Variants in NMT1 observed in about 807,000 individuals in gnomAD.
NMT1 encodes the protein glycylpeptide N-tetradecanoyltransferase 1.
In NMT1, 12 loss-of-function variants were observed where a neutral mutation model predicts 63.4. The ratio of observed to expected loss-of-function variants is 0.19; its 90% confidence interval spans 0.12 to 0.31. NMT1 has a LOEUF of 0.31. Ranked by LOEUF, NMT1 falls within the 10% of genes least tolerant of loss-of-function variation. The pLI, the probability that NMT1 is intolerant of heterozygous loss-of-function variation, is 1.00. For missense variants in NMT1, 432 were observed against 634.6 expected (o/e 0.68, Z 3.43); for synonymous variants, 228 against 234.3 (o/e 0.97, Z 0.25).
At chr17:45,087,077 C>T (rs2054059841) in intron 3 of NMT1, among the ~76,000 whole-genome samples, 1 of 151,818 alleles carries the variant, frequency 6.6e-6, no homozygotes, top group African/African-American at 2.4e-5. Context: ...GGGAAGATCA[C>T]TTGAACCTGG....
In NMT1 at chr17:45,084,329, T is replaced by C. The variant is rs898387351; in HGVS notation, c.241-2179T>C. Among the ~76,000 whole-genome samples the C allele has an allele frequency of 1.3e-4, 16 of 121,724 alleles. No homozygotes were observed. In the Admixed American group the frequency reaches 1.8e-3, roughly 14 times the overall value. The allele number at this position is 121,724 out of a possible 152,430, so 79.9% of individuals were successfully genotyped here. The stretch of plus-strand genomic sequence containing the variant: ...TCTTAGATTGGCATAGATTAAGGCT[T>C]GGTAAACTTTTTTTTTTTTTTGCGA... On this transcript the variant is annotated intron_variant, in intron 2 of 11. Coordinates refer to ENST00000258960, the MANE Select transcript of NMT1 (RefSeq NM_021079.5).
intron 4 of NMT1, among the ~76,000 whole-genome samples, chr17:45,094,218 G>A (rs1473197207): frequency 6.6e-6 from 1 of 151,930 alleles, no homozygotes; most frequent in African/African-American, 2.4e-5. Context: ...AATGTCGCCG[G>A]GCGTGGTGGC....
rs945560373 is a variant in NMT1 at position 45,086,376 on chromosome 17, T to C, written c.241-132T>C. On this transcript the variant is annotated intron_variant, in intron 2 of 11. Coordinates refer to ENST00000258960, the MANE Select transcript of NMT1 (RefSeq NM_021079.5). ...CTAACCTCAAGTGATCTGCCCGCCT[T>C]GGCCTCCCAAAATGTTGGGATTACA... 9 of 864,692 alleles carry C rather than the reference T, an allele frequency of 1.0e-5. No homozygotes were observed. In the Admixed American group the frequency reaches 1.1e-4, roughly 10 times the overall value. The allele number at this position is 864,692 out of a possible 1,614,324, so 53.6% of individuals were successfully genotyped here. A position where few individuals can be genotyped will look rare whatever the true frequency, so the allele number is the denominator to read the frequency against.
At chr17:45,097,336 G>A in intron 6 of NMT1, 92 bp downstream of exon 6, 1 of 982,358 alleles carries the variant, frequency 1.0e-6, no homozygotes, top group Non-Finnish European at 1.6e-6. Context: ...TGTGCCCCAT[G>A]AAAGGAAGAG....
intron 3 of NMT1, among the ~76,000 whole-genome samples, chr17:45,091,755 C>A (rs936825287): frequency 6.6e-5 from 10 of 152,050 alleles, no homozygotes; most frequent in African/African-American, 2.4e-4. Context: ...GGCTGGGCGC[C>A]GTGGCTCATG....
chr17:45,103,234 C>A lies in NMT1; in HGVS notation c.1164+113C>A. On this transcript the variant is annotated intron_variant, in intron 9 of 11. Coordinates refer to ENST00000258960, the MANE Select transcript of NMT1 (RefSeq NM_021079.5). This position sits in a 1 kb window ranked among gnomAD's most constrained non-coding sequence, Gnocchi z 4.8. ...GGCACCTTAGACTTCCTTGACCATC[C>A]GTGTTTGGTCCTCCCTAAAAACAGG... 2.0e-6 allele frequency: 2 copies of A among 1,014,916 alleles called. No individual in the cohort carries two copies. Among genetic ancestry groups the A allele is most frequent in the Non-Finnish European group, 1.5e-6 (1 of 682,592 alleles). 62.9% of individuals were successfully genotyped at this position (1,014,916 alleles called of 1,614,324 possible).
At chr17:45,076,671 AC>A (rs1296413058) in intron 1 of NMT1, among the ~76,000 whole-genome samples, 26 of 151,670 alleles carry the variant, frequency 1.7e-4, no homozygotes, top group African/African-American at 6.3e-4. Flanking sequence ...AATCCCTTGA[AC>A]CTAGGAGGCG....
intron 7 of NMT1, 116 bp downstream of exon 7, chr17:45,098,668 G>T: frequency 1.0e-6 from 1 of 983,052 alleles, no homozygotes; most frequent in Non-Finnish European, 1.5e-6. Context: ...GGCGTATCTG[G>T]TAAGGCGGGC....
intron 1 of NMT1, among the ~76,000 whole-genome samples, chr17:45,072,724 TA>T (rs2053950318): frequency 6.6e-6 from 1 of 151,574 alleles, no homozygotes; most frequent in African/African-American, 2.4e-5. Flanking sequence ...GATGCCTGCC[TA>T]ATTTTTTGCG....
chr17:45,098,282 T>A lies in NMT1; in HGVS notation c.714-100T>A. The A allele has an allele frequency of 2.6e-6, 3 of 1,133,696 alleles. No individual in the cohort carries two copies. The South Asian group carries it at 4.2e-5, about 16-fold the overall frequency. 70.2% of individuals were successfully genotyped at this position (1,133,696 alleles called of 1,614,324 possible). A position where few individuals can be genotyped will look rare whatever the true frequency, so the allele number is the denominator to read the frequency against. On this transcript the variant is annotated intron_variant, in intron 6 of 11. Transcript: ENST00000258960. ...GTGGCAGCTAAAAGTACACCCGTGC[T>A]GCAGACCTGGTCCTTCTAGGTGTGG...
intron 1 of NMT1, among the ~76,000 whole-genome samples, chr17:45,081,164 T>C (rs1342345454): frequency 6.6e-6 from 1 of 152,194 alleles, no homozygotes; most frequent in Non-Finnish European, 1.5e-5. Context: ...TCATACTGTC[T>C]TGTGCTCCAG....
rs1598009172 is a variant in NMT1, at chr17:45,081,531, G to A, written c.132-113G>A. On this transcript the variant is annotated intron_variant, in intron 1 of 11. Coordinates refer to ENST00000258960, the MANE Select transcript of NMT1 (RefSeq NM_021079.5). ...GACCTGGGTTCTTCAGCCTGCTTCT[G>A]AAGCCAACAGGCTTGATTAAGGAAG... 3.2e-6 allele frequency: 3 copies of A among 936,576 alleles called. No homozygotes were observed. In the East Asian group the frequency reaches 7.4e-5, roughly 23 times the overall value. 58.0% of individuals were successfully genotyped at this position (936,576 alleles called of 1,614,324 possible).
intron 1 of NMT1, among the ~76,000 whole-genome samples, chr17:45,067,417 C>T (rs1434523879): frequency 6.6e-6 from 1 of 152,222 alleles, no homozygotes; most frequent in Admixed American, 6.6e-5. Context: ...CTCCATCCTG[C>T]TCTCTTACTC....
chr17:45,064,991 G>A (rs1350007874), intron 1 of NMT1, among the ~76,000 whole-genome samples: 2 of 152,000 alleles, frequency 1.3e-5, no homozygotes, highest in Non-Finnish European at 2.9e-5. Flanking sequence ...TTGCCCCTCT[G>A]CTCTTATCAC....
chr17:45,076,451 G>GC (rs1555605143), intron 1 of NMT1, among the ~76,000 whole-genome samples: 67 of 128,720 alleles, frequency 5.2e-4, no homozygotes, highest in Middle Eastern at 4.0e-3. Context: ...ACTCATTAAA[G>GC]AAAAAAAAAA....
rs774684452 is a variant in NMT1, at chr17:45,061,420, A to G, written c.91A>G (p.Ser31Gly). 2.5e-6 allele frequency: 4 copies of G among 1,613,820 alleles called. No individual in the cohort carries two copies. The Admixed American group carries it at 5.0e-5, about 20-fold the overall frequency. ...GAACGGGAACGGCCATGAGCACTGC[A>G]GCGATTGCGAGAATGAGGAGGACAA... The part of the protein sequence containing the change: ...EGNGNGHEHC[S>G]DCENEEDNSY... The change falls in exon 1 of 12, where the codon AGC (serine) becomes GGC (glycine). Residue 31 changes from serine (S) to glycine (G), a missense_variant. Ser to Gly is a moderately conservative substitution (Grantham distance 56). Transcript: ENST00000258960.
intron 1 of NMT1, among the ~76,000 whole-genome samples, chr17:45,065,214 A>G (rs990932901): frequency 2.6e-5 from 4 of 152,170 alleles, no homozygotes; most frequent in African/African-American, 9.7e-5. Context: ...TGCCTAGCCC[A>G]GTATTAGTGG....
intron 1 of NMT1, among the ~76,000 whole-genome samples, chr17:45,078,019 C>T (rs2053988565): frequency 2.0e-5 from 3 of 152,148 alleles, no homozygotes; most frequent in African/African-American, 7.2e-5. Context: ...TGCATCTAGA[C>T]TTCATGACCT....
chr17:45,102,694 G>A (rs1157642281), intron 8 of NMT1, among the ~76,000 whole-genome samples: 2 of 152,226 alleles, frequency 1.3e-5, no homozygotes, highest in East Asian at 1.9e-4. Flanking sequence ...AGCATGAAGG[G>A]TTGTGTTTTC....
Sources: gnomAD v4.1 joint callset for allele counts (sites outside exome capture counted in the v4.1 genomes callset) on GRCh38, gnomAD v4.1.1 for gene constraint, Gnocchi (gnomAD v3.1) non-coding constraint, MANE v1.5 for transcripts, NCBI Gene and HGNC (gene_info 2026-07-23, HGNC 2026-07-21) for gene names.